The following CLYBL variants were observed in gnomAD, a reference collection of about 807,000 sequenced individuals.
CLYBL encodes the protein citramalyl-CoA lyase.
Under a neutral mutation model 38.9 loss-of-function variants are expected in CLYBL, and 31 were observed. That is an observed-to-expected ratio of 0.80 (90% CI 0.60 to 1.08). The LOEUF (loss-of-function observed/expected upper bound fraction) is 1.08, where lower values mean the gene tolerates loss of function less well. CLYBL is among the 50% of genes least tolerant of loss of function. The pLI is 0.00. For missense variants in CLYBL, 434 were observed against 411.6 expected (o/e 1.05, Z -0.47); for synonymous variants, 171 against 158.6 (o/e 1.08, Z -0.59).
chr13:99,890,360 T>C (rs999850679), intron 7 of CLYBL, among the ~76,000 whole-genome samples: 1 of 152,176 alleles, frequency 6.6e-6, no homozygotes, highest in African/African-American at 2.4e-5. Flanking sequence ...AGAAGTTTTT[T>C]AAAAAATGAG....
intron 1 of CLYBL, among the ~76,000 whole-genome samples, chr13:99,683,229 C>T (rs1275747023): frequency 6.7e-6 from 1 of 150,094 alleles, no homozygotes; most frequent in African/African-American, 2.5e-5. Flanking sequence ...TTGCAGGTGC[C>T]CCCCCCTACA....
intron 1 of CLYBL, among the ~76,000 whole-genome samples, chr13:99,701,063 C>T (rs903986380): frequency 6.6e-6 from 1 of 152,160 alleles, no homozygotes; most frequent in African/African-American, 2.4e-5. Context: ...CCGGTTGTCA[C>T]TTCATCCCAG....
rs9582346 is a variant in CLYBL, at chr13:99,812,418, A to G, written c.249+39408A>G. Among the ~76,000 whole-genome samples, 60 of 152,292 alleles carry G rather than the reference A, an allele frequency of 3.9e-4. No homozygotes were observed. The East Asian group carries it at 6.7e-3, about 17-fold the overall frequency. ...ATTCCCTTCTGTGTAGTCTGAGTACAGTTTCCAATGGAGACAGCCTGCAGT... is the reference window on the plus strand; with the variant it reads ...ATTCCCTTCTGTGTAGTCTGAGTACGGTTTCCAATGGAGACAGCCTGCAGT... On this transcript the variant is annotated intron_variant, in intron 2 of 8. Coordinates refer to ENST00000339105, the MANE Select transcript of CLYBL (RefSeq NM_206808.5).
At chr13:99,778,975 A>T (rs74112563) in intron 2 of CLYBL, among the ~76,000 whole-genome samples, 1,534 of 152,328 alleles carry the variant, frequency 0.01, 30 homozygotes, top group African/African-American at 0.035. Context: ...TACCTACTCA[A>T]CTAGTTGCCA....
intron 6 of CLYBL, 84 bp downstream of exon 6, chr13:99,866,491 C>G (rs1454456632): frequency 2.5e-6 from 3 of 1,178,440 alleles, no homozygotes; most frequent in Non-Finnish European, 3.6e-6. Context: ...CACCCCTAAT[C>G]TCATCAGATA....
At chr13:99,728,295 T>C (rs1229482221) in intron 1 of CLYBL, among the ~76,000 whole-genome samples, 1 of 137,690 alleles carries the variant, frequency 7.3e-6, no homozygotes, top group Non-Finnish European at 1.5e-5. Flanking sequence ...TTTTTTTTTT[T>C]TGAGATGGAG....
At chr13:99,767,746 G>A (rs1032965639) in intron 1 of CLYBL, among the ~76,000 whole-genome samples, 2 of 152,078 alleles carry the variant, frequency 1.3e-5, no homozygotes, top group African/African-American at 4.8e-5. Context: ...TCCCTCTAGT[G>A]AATTTTTCAT....
At chr13:99,853,540 T>G (rs894057930) in intron 2 of CLYBL, among the ~76,000 whole-genome samples, 1 of 152,228 alleles carries the variant, frequency 6.6e-6, no homozygotes, top group Non-Finnish European at 1.5e-5. Flanking sequence ...ACAGGCAAAC[T>G]AAGTTTTCTT....
At chr13:99,882,208 TAAG>T (rs761214229) in intron 7 of CLYBL, among the ~76,000 whole-genome samples, 35 of 152,196 alleles carry the variant, frequency 2.3e-4, no homozygotes, top group African/African-American at 8.2e-4. Flanking sequence ...CAATGATTAA[TAAG>T]AAGAATTTGA....
intron 1 of CLYBL, among the ~76,000 whole-genome samples, chr13:99,727,964 G>T (rs992455369): frequency 1.3e-5 from 2 of 152,124 alleles, no homozygotes; most frequent in Non-Finnish European, 2.9e-5. Flanking sequence ...TGTAATCCCA[G>T]CTGCTCAAGA....
chr13:99,865,738 C>CCGT lies in CLYBL; in HGVS notation c.635-500_635-498dup, dbSNP rs2051725736. ...CAGCCCTCTCAAAACAAGTGCCCTCCCGTCTCCCCAAGTTCTCCATCCAGA... is the reference window on the plus strand; with the variant it reads ...CAGCCCTCTCAAAACAAGTGCCCTCCCGTCGTCTCCCCAAGTTCTCCATCCAGA... On this transcript the variant is annotated intron_variant, in intron 5 of 8. Transcript: ENST00000339105. This position sits in a 1 kb window ranked among gnomAD's most constrained non-coding sequence, Gnocchi z 4.7. 1.3e-5 allele frequency among the ~76,000 whole-genome samples: 2 copies of CCGT among 152,222 alleles called. No homozygotes were observed. The highest frequency in any genetic ancestry group is 4.8e-5 in the African/African-American group (2 of 41,448).
chr13:99,842,215 G>A (rs1254516633), intron 2 of CLYBL, among the ~76,000 whole-genome samples: 1 of 152,144 alleles, frequency 6.6e-6, no homozygotes, highest in Non-Finnish European at 1.5e-5. Flanking sequence ...GTAATAAACC[G>A]AGGGGAATTT....
chr13:99,741,813 A>G (rs1434102973), intron 1 of CLYBL, among the ~76,000 whole-genome samples: 1 of 152,194 alleles, frequency 6.6e-6, no homozygotes, highest in Admixed American at 6.5e-5. Context: ...TGATCAATCT[A>G]GTTGAAAAAG....
chr13:99,837,337 C>T (rs2050962638), intron 2 of CLYBL, among the ~76,000 whole-genome samples: 1 of 152,128 alleles, frequency 6.6e-6, no homozygotes, highest in Non-Finnish European at 1.5e-5. Flanking sequence ...GTACCCTCAA[C>T]TAATTGTGGG....
intron 7 of CLYBL, among the ~76,000 whole-genome samples, chr13:99,876,019 A>G (rs1204901323): frequency 1.3e-5 from 2 of 152,136 alleles, no homozygotes; most frequent in African/African-American, 4.8e-5. Context: ...CATTTAAAGC[A>G]AAGTAATGAA....
chr13:99,628,551 G>A (rs945133930), intron 1 of CLYBL, among the ~76,000 whole-genome samples: 1 of 152,182 alleles, frequency 6.6e-6, no homozygotes, highest in African/African-American at 2.4e-5. Flanking sequence ...AATTGTAGGA[G>A]CTCATTTTAT....
At chr13:99,736,038 CTTTTTTTT>C (rs767129851) in intron 1 of CLYBL, among the ~76,000 whole-genome samples, 1 of 76,198 alleles carries the variant, frequency 1.3e-5, no homozygotes, top group African/African-American at 5.2e-5. Flanking sequence ...CGTTTCTTTT[CTTTTTTTT>C]TTTTTTTTTT....
intron 1 of CLYBL, among the ~76,000 whole-genome samples, chr13:99,754,587 G>C (rs1310839997): frequency 1.3e-5 from 2 of 150,686 alleles, no homozygotes; most frequent in African/African-American, 4.9e-5. Context: ...TTTTGTTGTT[G>C]TTGTTTTTTT....
At chr13:99,771,402 T>A (rs906236330) in intron 1 of CLYBL, among the ~76,000 whole-genome samples, 1 of 152,212 alleles carries the variant, frequency 6.6e-6, no homozygotes, top group Admixed American at 6.5e-5. Flanking sequence ...TGGGCAGGGT[T>A]GGCTTCATGG....
Sources: gnomAD v4.1 joint callset for allele counts (sites outside exome capture counted in the v4.1 genomes callset) on GRCh38, gnomAD v4.1.1 for gene constraint, Gnocchi (gnomAD v3.1) non-coding constraint, MANE v1.5 for transcripts, NCBI Gene and HGNC (gene_info 2026-07-23, HGNC 2026-07-21) for gene names.